Variants in CNTNAP2 observed in about 807,000 individuals in gnomAD.
CNTNAP2 encodes the protein contactin-associated protein-like 2.
In CNTNAP2, 98 loss-of-function variants were observed where a neutral mutation model predicts 155.2. The observed-to-expected ratio is 0.63, with a 90% CI of 0.54 to 0.75. The LOEUF is 0.75. Among genes scored for constraint, CNTNAP2 ranks in the 30% least tolerant of loss-of-function variants. The pLI is 0.00. For synonymous variants in CNTNAP2, 651 were observed against 631.2 expected, an observed-to-expected ratio of 1.03 and a Z score of -0.47; for missense variants, 1,727 against 1,688.1, an observed-to-expected ratio of 1.02 and a Z score of -0.40.
intron 1 of CNTNAP2, among the ~76,000 whole-genome samples, chr7:146,529,737 C>T (rs546181188): frequency 1.8e-4 from 28 of 151,964 alleles, no homozygotes; most frequent in African/African-American, 6.0e-4. Context: ...GAGTCTGAGG[C>T]GGGCAGTTCA....
At chr7:146,689,967 GATT>G (rs1390919861) in intron 1 of CNTNAP2, among the ~76,000 whole-genome samples, 1 of 151,052 alleles carries the variant, frequency 6.6e-6, no homozygotes, top group East Asian at 1.9e-4. Context: ...ATCAAAATTT[GATT>G]ATTTTTATAT....
chr7:148,032,828 T>C (rs1392280862), intron 15 of CNTNAP2, among the ~76,000 whole-genome samples: 1 of 152,140 alleles, frequency 6.6e-6, no homozygotes, highest in Non-Finnish European at 1.5e-5. Flanking sequence ...TTCTGAGAAA[T>C]TCCCCCTCAA....
At chr7:146,687,553 C>T (rs1800623215) in intron 1 of CNTNAP2, among the ~76,000 whole-genome samples, 1 of 151,640 alleles carries the variant, frequency 6.6e-6, no homozygotes, top group Non-Finnish European at 1.5e-5. Flanking sequence ...CTAAATGATG[C>T]AAATAGATGA....
intron 2 of CNTNAP2, among the ~76,000 whole-genome samples, chr7:146,806,968 A>G (rs928588199): frequency 4.6e-5 from 7 of 152,176 alleles, no homozygotes; most frequent in African/African-American, 1.4e-4. Context: ...TATTTTTAAA[A>G]ATGTTTGGAA....
intron 14 of CNTNAP2, among the ~76,000 whole-genome samples, chr7:147,949,923 G>T (rs1800896772): frequency 6.6e-6 from 1 of 152,142 alleles, no homozygotes; most frequent in Admixed American, 6.5e-5. Context: ...ATTTGAATTG[G>T]TATTAATAAC....
intron 2 of CNTNAP2, among the ~76,000 whole-genome samples, chr7:146,790,024 G>A (rs1585091535): frequency 1.3e-5 from 2 of 151,990 alleles, no homozygotes; most frequent in African/African-American, 4.8e-5. Flanking sequence ...AAAGGATTCA[G>A]CATTGTGACA....
chr7:146,945,804 TATTTC>T (rs1450682775), intron 3 of CNTNAP2, among the ~76,000 whole-genome samples: 2 of 152,212 alleles, frequency 1.3e-5, no homozygotes, highest in Non-Finnish European at 2.9e-5. Context: ...AAGAAAATTT[TATTTC>T]ATATTTCATT....
chr7:147,723,850 C>G (rs138211634), intron 13 of CNTNAP2, among the ~76,000 whole-genome samples: 2 of 152,056 alleles, frequency 1.3e-5, no homozygotes, highest in Non-Finnish European at 2.9e-5. Context: ...TTAGCAAACC[C>G]GTGACCTCAA....
Position 148,294,001 on chromosome 7 carries a change from C to T in CNTNAP2, c.3475+26875C>T, listed in dbSNP as rs541465584. ...AATAAGCCGAGATTGCATTGCACCA[C>T]TGCATTCCAGCCTGGGCAGCAGAGC... On this transcript the variant is annotated intron_variant, in intron 21 of 23. Transcript: ENST00000361727. Among the ~76,000 whole-genome samples the T allele has an allele frequency of 2.8e-5, 4 of 144,636 alleles. No individual in the cohort carries two copies. The East Asian group carries it at 8.1e-4, about 29-fold the overall frequency. 94.9% of individuals were successfully genotyped at this position (144,636 alleles called of 152,430 possible). A position where few individuals can be genotyped will look rare whatever the true frequency, so the allele number is the denominator to read the frequency against.
At chr7:147,854,176 TTCTGAGGGAAAGTTGACTATGGGTAG>T (rs1207560971) in intron 13 of CNTNAP2, among the ~76,000 whole-genome samples, 2 of 152,206 alleles carry the variant, frequency 1.3e-5, no homozygotes, top group African/African-American at 4.8e-5. Flanking sequence ...TGCTTCCTCT[TTCTGAGGGAAAGTTGACTATGGGTAG>T]AGAAGAGTTG....
chr7:146,227,143 G>C (rs1799306428), intron 1 of CNTNAP2, among the ~76,000 whole-genome samples: 1 of 151,930 alleles, frequency 6.6e-6, no homozygotes, highest in South Asian at 2.1e-4. Context: ...AAAACTTTAG[G>C]GGCTGGGTGT....
intron 12 of CNTNAP2, among the ~76,000 whole-genome samples, chr7:147,602,473 C>G (rs182993503): frequency 5.3e-4 from 76 of 142,444 alleles, no homozygotes; most frequent in African/African-American, 2.0e-3. Context: ...ATTTTACATT[C>G]ATCAGTTCAT....
At chr7:146,582,912 T>C (rs1798633245) in intron 1 of CNTNAP2, among the ~76,000 whole-genome samples, 1 of 148,624 alleles carries the variant, frequency 6.7e-6, no homozygotes. Context: ...TGATATTAAG[T>C]ATAAATATTA....
At chr7:147,095,294 C>A (rs1459606649) in intron 4 of CNTNAP2, among the ~76,000 whole-genome samples, 1 of 151,580 alleles carries the variant, frequency 6.6e-6, no homozygotes, top group Non-Finnish European at 1.5e-5. Flanking sequence ...CCTCGGCCTC[C>A]CAAAGTGCTG....
chr7:146,260,318 T>A (rs1007131504), intron 1 of CNTNAP2, among the ~76,000 whole-genome samples: 1 of 151,956 alleles, frequency 6.6e-6, no homozygotes, highest in Non-Finnish European at 1.5e-5. Context: ...GAACACAGAG[T>A]CCCCACCTGG....
chr7:146,995,774 G>A (rs2129239722), intron 3 of CNTNAP2, among the ~76,000 whole-genome samples: 1 of 152,180 alleles, frequency 6.6e-6, no homozygotes, highest in Non-Finnish European at 1.5e-5. Flanking sequence ...TATCAGATGT[G>A]TAGTTAACCA....
rs191683640 is a variant in CNTNAP2, at chr7:147,861,962, C to A, written c.2099-41603C>A. 4.4e-4 allele frequency among the ~76,000 whole-genome samples: 61 copies of A among 138,198 alleles called. 1 individual carries two copies. The highest frequency in any genetic ancestry group is 4.5e-3 in the Middle Eastern group (1 of 224). 90.7% of individuals were successfully genotyped at this position (138,198 alleles called of 152,430 possible). On this transcript the variant is annotated intron_variant, in intron 13 of 23. Coordinates refer to ENST00000361727, the MANE Select transcript of CNTNAP2 (RefSeq NM_014141.6). Reference sequence around the variant, plus strand: ...GCAGTGAGCCAGGATCGTGCCATTGCACTCCAACTTGGGCAATAGAGTGAA... The same window carrying A: ...GCAGTGAGCCAGGATCGTGCCATTGAACTCCAACTTGGGCAATAGAGTGAA...
At chr7:147,133,621 C>T (rs1267354812) in intron 8 of CNTNAP2, among the ~76,000 whole-genome samples, 7 of 151,968 alleles carry the variant, frequency 4.6e-5, no homozygotes, top group Non-Finnish European at 1.0e-4. Context: ...AAGAGGTGCT[C>T]TCCAATATTT....
intron 1 of CNTNAP2, among the ~76,000 whole-genome samples, chr7:146,411,708 C>T (rs1795866877): frequency 6.6e-6 from 1 of 151,792 alleles, no homozygotes; most frequent in Admixed American, 6.6e-5. Flanking sequence ...TACAAATTGC[C>T]ACATATAAAG....
Sources: gnomAD v4.1 joint callset for allele counts (sites outside exome capture counted in the v4.1 genomes callset) on GRCh38, gnomAD v4.1.1 for gene constraint, MANE v1.5 for transcripts, NCBI Gene and HGNC (gene_info 2026-07-23, HGNC 2026-07-21) for gene names.